Variants in KCNQ5 observed in about 807,000 individuals in gnomAD.
KCNQ5 encodes potassium voltage-gated channel subfamily Q member 5.
Under a neutral mutation model 98.2 loss-of-function variants are expected in KCNQ5, and 30 were observed. The ratio of observed to expected loss-of-function variants is 0.31; its 90% CI spans 0.23 to 0.41. The LOEUF is 0.41. Among genes scored for constraint, KCNQ5 ranks in the 10% least tolerant of loss-of-function variants. The pLI, the probability that KCNQ5 is intolerant of heterozygous loss-of-function variation, is 1.00. For missense variants in KCNQ5, 835 were observed against 1,182.5 expected (o/e 0.71, Z 4.31); for synonymous variants, 458 against 449.4 (o/e 1.02, Z -0.24).
intron 1 of KCNQ5, among the ~76,000 whole-genome samples, chr6:72,644,209 A>G (rs998729932): frequency 2.0e-5 from 3 of 152,218 alleles, no homozygotes; most frequent in African/African-American, 7.2e-5. Context: ...GCCTTTGGTC[A>G]TAACATTTTC....
intron 2 of KCNQ5, among the ~76,000 whole-genome samples, chr6:73,033,788 A>G (rs1320256492): frequency 6.6e-6 from 1 of 151,758 alleles, no homozygotes; most frequent in Non-Finnish European, 1.5e-5. Context: ...CGCTCTCACA[A>G]CCACCTCTGT....
intron 10 of KCNQ5, among the ~76,000 whole-genome samples, chr6:73,153,045 C>T (rs1777217298): frequency 6.6e-6 from 1 of 152,116 alleles, no homozygotes; most frequent in South Asian, 2.1e-4. Flanking sequence ...TAGGAGAGGA[C>T]CATATGCCCA....
chr6:73,074,269 A>T (rs527353798), intron 3 of KCNQ5, among the ~76,000 whole-genome samples: 129 of 152,320 alleles, frequency 8.5e-4, no homozygotes, highest in African/African-American at 3.0e-3. Context: ...TAACTTGTAA[A>T]ATACTAGCCT....
At chr6:72,690,345 C>G (rs568820420) in intron 1 of KCNQ5, among the ~76,000 whole-genome samples, 1 of 152,162 alleles carries the variant, frequency 6.6e-6, no homozygotes, top group Non-Finnish European at 1.5e-5. Context: ...TCATCATCAT[C>G]ATATTTTCAA....
chr6:72,779,022 T>C (rs887466304), intron 1 of KCNQ5, among the ~76,000 whole-genome samples: 9 of 152,180 alleles, frequency 5.9e-5, no homozygotes, highest in African/African-American at 2.2e-4. Flanking sequence ...TTGAGGAGTA[T>C]GTGAGTGAAG....
chr6:72,932,590 A>C (rs1765735450), intron 1 of KCNQ5, among the ~76,000 whole-genome samples: 1 of 152,070 alleles, frequency 6.6e-6, no homozygotes, highest in African/African-American at 2.4e-5. Context: ...GAGTAAGAGA[A>C]AGCTGTTATT....
intron 2 of KCNQ5, among the ~76,000 whole-genome samples, chr6:73,021,194 C>T (rs926788198): frequency 1.3e-5 from 2 of 152,146 alleles, no homozygotes; most frequent in Non-Finnish European, 2.9e-5. Flanking sequence ...TGGTCTGTAG[C>T]AGTGGATGGT....
At chr6:72,643,543 G>C (rs1057327609) in intron 1 of KCNQ5, among the ~76,000 whole-genome samples, 3 of 152,086 alleles carry the variant, frequency 2.0e-5, no homozygotes, top group African/African-American at 4.8e-5. Context: ...AACTTTTTGA[G>C]TGCTGGCATG....
At chr6:73,031,201 C>T (rs912574287) in intron 2 of KCNQ5, among the ~76,000 whole-genome samples, 2 of 152,110 alleles carry the variant, frequency 1.3e-5, no homozygotes, top group African/African-American at 2.4e-5. Context: ...GAAGAGGTAT[C>T]GGGTAACAAC....
At chr6:72,748,975 AC>A (rs1166731611) in intron 1 of KCNQ5, among the ~76,000 whole-genome samples, 1 of 152,304 alleles carries the variant, frequency 6.6e-6, no homozygotes, top group East Asian at 1.9e-4. Flanking sequence ...TTTATGAGAA[AC>A]AGATGTGCCA....
At chr6:72,716,127 G>T (rs1769636003) in intron 1 of KCNQ5, among the ~76,000 whole-genome samples, 1 of 152,000 alleles carries the variant, frequency 6.6e-6, no homozygotes, top group Non-Finnish European at 1.5e-5. Context: ...TATTTATGTT[G>T]TTTATCATAA....
chr6:72,802,998 GT>G (rs1348450926), intron 1 of KCNQ5, among the ~76,000 whole-genome samples: 1 of 152,046 alleles, frequency 6.6e-6, no homozygotes, highest in African/African-American at 2.4e-5. Flanking sequence ...CTGCATCACT[GT>G]TAAAGTTTCC....
intron 1 of KCNQ5, among the ~76,000 whole-genome samples, chr6:72,691,658 C>A (rs1005985817): frequency 1.3e-5 from 2 of 152,118 alleles, no homozygotes; most frequent in Non-Finnish European, 2.9e-5. Flanking sequence ...AAAAGAATTA[C>A]TATAATCACT....
chr6:73,038,088 A>G (rs1037173154), intron 2 of KCNQ5, among the ~76,000 whole-genome samples: 7 of 152,028 alleles, frequency 4.6e-5, no homozygotes, highest in East Asian at 3.8e-4. Flanking sequence ...CATAAACCGT[A>G]TGTGTTTTTC....
At chr6:73,136,510 G>A (rs2150462016) in intron 10 of KCNQ5, 1 of 152,322 alleles carries the variant, frequency 6.6e-6, no homozygotes, top group South Asian at 2.1e-4. Flanking sequence ...TACGAGTACA[G>A]TTTTGTTTGT....
intron 1 of KCNQ5, among the ~76,000 whole-genome samples, chr6:72,699,898 C>G (rs1254252132): frequency 6.6e-6 from 1 of 152,138 alleles, no homozygotes; most frequent in Non-Finnish European, 1.5e-5. Context: ...TTTCGGGCGT[C>G]AAGCTTTCCA....
rs559669743 is a variant in KCNQ5 at position 72,643,601 on chromosome 6, G to T, written c.398+21014G>T. ...GGAGCATTTCAGATTTTGGATTTTG[G>T]ATTAGGGATGCTCAAACAGTAAGTG... On this transcript the variant is annotated intron_variant, in intron 1 of 13. Transcript: ENST00000370398. Among the ~76,000 whole-genome samples the T allele has an allele frequency of 2.0e-3, 298 of 152,168 alleles. 2 individuals carry two copies. Among genetic ancestry groups the T allele is most frequent in the African/African-American group, 6.9e-3 (286 of 41,520 alleles).
At chr6:73,170,755 G>A (rs1164271302) in intron 11 of KCNQ5, among the ~76,000 whole-genome samples, 2 of 151,910 alleles carry the variant, frequency 1.3e-5, no homozygotes, top group South Asian at 2.1e-4. Context: ...CCAACTTGAC[G>A]AAACCCTGTC....
chr6:72,867,940 ATAATAC>A (rs1368890081), intron 1 of KCNQ5, among the ~76,000 whole-genome samples: 7 of 151,290 alleles, frequency 4.6e-5, no homozygotes, highest in Admixed American at 1.3e-4. Context: ...AATAATACTA[ATAATAC>A]TAATACTACT....
Sources: allele counts gnomAD v4.1 joint callset (sites outside exome capture counted in the v4.1 genomes callset), GRCh38; gene constraint gnomAD v4.1.1; transcripts MANE v1.5; gene names NCBI Gene and HGNC (gene_info 2026-07-23, HGNC 2026-07-21).